The following DNAH11 variants were observed in gnomAD, a reference collection of about 807,000 sequenced individuals.
DNAH11 encodes the protein axonemal beta dynein heavy chain 11.
Under a neutral mutation model 526.0 loss-of-function variants are expected in DNAH11, and 442 were observed. The observed-to-expected ratio is 0.84, with a 90% CI of 0.78 to 0.91. DNAH11 has a LOEUF of 0.91. Ranked by LOEUF, DNAH11 falls within the 40% of genes least tolerant of loss-of-function variation. The probability of loss-of-function intolerance (pLI) is 0.00; values close to 1 mark genes in which losing one functional copy is unlikely to be tolerated. For synonymous variants in DNAH11, 2,461 were observed against 1,935.9 expected, an observed-to-expected ratio of 1.27 and a Z score of -7.12; for missense variants, 6,989 against 5,448.7, an observed-to-expected ratio of 1.28 and a Z score of -8.90.
intron 54 of DNAH11, among the ~76,000 whole-genome samples, chr7:21,761,413 AG>A (rs149963647): frequency 0.033 from 5,099 of 152,280 alleles, 263 homozygotes; most frequent in African/African-American, 0.11. Flanking sequence ...AATTCTCTAA[AG>A]TTTTCATCTT....
intron 65 of DNAH11, among the ~76,000 whole-genome samples, chr7:21,827,445 A>G (rs1167166200): frequency 6.6e-6 from 1 of 151,576 alleles, no homozygotes; most frequent in Non-Finnish European, 1.5e-5. Flanking sequence ...TTTAAATATT[A>G]TTATAATTTT....
intron 24 of DNAH11, among the ~76,000 whole-genome samples, 167 bp downstream of exon 24, chr7:21,619,389 C>G (rs570126598): frequency 6.6e-6 from 1 of 152,144 alleles, no homozygotes; most frequent in Non-Finnish European, 1.5e-5. Flanking sequence ...TAGAATCATT[C>G]TAAGCCACAG....
chr7:21,859,217 G>C (rs538407874), intron 68 of DNAH11, among the ~76,000 whole-genome samples: 10 of 152,066 alleles, frequency 6.6e-5, no homozygotes, highest in African/African-American at 2.4e-4. Flanking sequence ...AGGTTGAAGC[G>C]ATTCTCCTGT....
At chr7:21,576,624 G>T (rs921023825) in intron 8 of DNAH11, among the ~76,000 whole-genome samples, 3 of 152,110 alleles carry the variant, frequency 2.0e-5, no homozygotes, top group African/African-American at 7.2e-5. Context: ...GAATATTTTA[G>T]GCCAAAGCAT....
rs1784538733 is a variant in DNAH11 at position 21,588,145 on chromosome 7, A to G, written c.1792A>G (p.Met598Val). The G allele has an allele frequency of 1.2e-6, 2 of 1,613,436 alleles. No homozygotes were observed. Among genetic ancestry groups the G allele is most frequent in the South Asian group, 2.2e-5 (2 of 91,038 alleles). Reference sequence around the variant, plus strand: ...CCTACATTACAGCACACTAGTGCATATGTTTAATACAGAGCTGGATGTGTG... The same window carrying G: ...CCTACATTACAGCACACTAGTGCATGTGTTTAATACAGAGCTGGATGTGTG... Reference protein sequence around the residue: ...FSLHYSTLVHMFNTELDVCKQ... With the variant: ...FSLHYSTLVHVFNTELDVCKQ... The change falls in exon 10 of 82, where the codon ATG becomes GTG. Residue 598 changes from methionine (M) to valine (V), a missense_variant. Coordinates refer to ENST00000409508, the MANE Select transcript of DNAH11 (RefSeq NM_001277115.2).
chr7:21,663,202 C>T (rs1276464952), intron 30 of DNAH11, among the ~76,000 whole-genome samples: 1 of 152,084 alleles, frequency 6.6e-6, no homozygotes, highest in Admixed American at 6.6e-5. Context: ...ATATATGTCA[C>T]ATTTTCTTTT....
chr7:21,838,181 G>A (rs1013747651), intron 65 of DNAH11, among the ~76,000 whole-genome samples: 2 of 152,182 alleles, frequency 1.3e-5, no homozygotes, highest in Non-Finnish European at 2.9e-5. Context: ...TGAATAGATT[G>A]TCCATCAAAA....
Position 21,801,125 on chromosome 7 carries a change from A to C in DNAH11, c.10027-12A>C, listed in dbSNP as rs1415419765. On this transcript the variant is annotated splice_polypyrimidine_tract_variant and intron_variant, in intron 61 of 81. Transcript: ENST00000409508. ...TAAAAATGACTCAAAAGTTAATTCAACTCTGATTCAGGATCTGGATCGAAA... is the reference window on the plus strand; with the variant it reads ...TAAAAATGACTCAAAAGTTAATTCACCTCTGATTCAGGATCTGGATCGAAA... 7 of 1,598,190 alleles carry C rather than the reference A, an allele frequency of 4.4e-6. No individual in the cohort carries two copies. The highest frequency in any genetic ancestry group is 6.0e-6 in the Non-Finnish European group (7 of 1,171,428).
intron 39 of DNAH11, among the ~76,000 whole-genome samples, chr7:21,707,461 G>C (rs1283343606): frequency 6.6e-6 from 1 of 152,188 alleles, no homozygotes; most frequent in Non-Finnish European, 1.5e-5. Context: ...ACTCCCTTTA[G>C]TCTAAATGGT....
chr7:21,848,979 T>C (rs1261562937), intron 66 of DNAH11, among the ~76,000 whole-genome samples: 1 of 152,100 alleles, frequency 6.6e-6, no homozygotes, highest in Non-Finnish European at 1.5e-5. Flanking sequence ...TCTGCCTCCT[T>C]GGTTCAAACA....
At chr7:21,801,894 A>G (rs2127993671) in intron 62 of DNAH11, among the ~76,000 whole-genome samples, 1 of 152,348 alleles carries the variant, frequency 6.6e-6, no homozygotes, top group East Asian at 1.9e-4. Flanking sequence ...AAGGTTTTTT[A>G]TAATTCTTAT....
rs116106229 is a variant in DNAH11, at chr7:21,763,537, C to T, written c.8941-1891C>T. On this transcript the variant is annotated intron_variant, in intron 54 of 81. Transcript: ENST00000409508. ...GGTGAGGCTGTGGAGAAATTGGAAC[C>T]CTTGTACACTATTGGTGGGAATGTA... Among the ~76,000 whole-genome samples, 1,224 of 151,202 alleles carry T rather than the reference C, an allele frequency of 8.1e-3. 13 individuals carry two copies. Among genetic ancestry groups the T allele is most frequent in the African/African-American group, 0.029 (1,176 of 41,212 alleles).
At chr7:21,892,846 C>T (rs192557019) in intron 77 of DNAH11, among the ~76,000 whole-genome samples, 179 bp downstream of exon 77, 124 of 152,234 alleles carry the variant, frequency 8.1e-4, no homozygotes, top group African/African-American at 3.0e-3. Flanking sequence ...CCTTATCAGT[C>T]AACATACCCC....
intron 63 of DNAH11, among the ~76,000 whole-genome samples, chr7:21,816,091 C>G (rs908454431): frequency 2.0e-5 from 3 of 152,022 alleles, no homozygotes; most frequent in Admixed American, 2.0e-4. Flanking sequence ...TGAATTTTAG[C>G]ATTGCTTATG....
At chr7:21,834,515 A>C (rs1416330250) in intron 65 of DNAH11, among the ~76,000 whole-genome samples, 1 of 152,168 alleles carries the variant, frequency 6.6e-6, no homozygotes, top group Non-Finnish European at 1.5e-5. Flanking sequence ...TAGAGAATAA[A>C]AGAAATACAA....
chr7:21,869,156 G>T (rs1783404394), intron 73 of DNAH11, among the ~76,000 whole-genome samples, 165 bp downstream of exon 73: 1 of 152,212 alleles, frequency 6.6e-6, no homozygotes, highest in African/African-American at 2.4e-5. Context: ...ATGGTGAGGG[G>T]CTCTGCGGAC....
intron 37 of DNAH11, chr7:21,703,798 A>T (rs1784152905): frequency 6.6e-6 from 1 of 152,100 alleles, no homozygotes; most frequent in African/African-American, 2.4e-5. Context: ...GTGATTTTTT[A>T]AATTGTGGGA....
rs1460130737 is a variant in DNAH11, at chr7:21,814,463, CA to C, written c.10333-2003del. Reference sequence around the variant, plus strand: ...GTGTGCCATGCTGGTGCACTGCACCCACTAACTCGTCATCTAGCATTAGGTA... The same window carrying C: ...GTGTGCCATGCTGGTGCACTGCACCCCTAACTCGTCATCTAGCATTAGGTA... On this transcript the variant is annotated intron_variant, in intron 63 of 81. Transcript: ENST00000409508. 2.0e-5 allele frequency among the ~76,000 whole-genome samples: 3 copies of C among 150,894 alleles called. No individual in the cohort carries two copies. The East Asian group carries it at 5.9e-4, about 29-fold the overall frequency.
chr7:21,821,862 G>C (rs957816416), intron 65 of DNAH11, among the ~76,000 whole-genome samples: 2 of 151,576 alleles, frequency 1.3e-5, no homozygotes, highest in Admixed American at 6.6e-5. Context: ...CACCTCCCCC[G>C]CCAGCTTCTC....
Sources: allele counts gnomAD v4.1 joint callset (sites outside exome capture counted in the v4.1 genomes callset), GRCh38; gene constraint gnomAD v4.1.1; transcripts MANE v1.5; gene names NCBI Gene and HGNC (gene_info 2026-07-23, HGNC 2026-07-21).